Variants in GLRA2 observed in about 807,000 individuals in gnomAD.
The protein encoded by GLRA2 is glycine receptor alpha 2.
A neutral mutation model predicts 31.6 loss-of-function variants in GLRA2; 11 were observed. The ratio of observed to expected loss-of-function variants is 0.35; its 90% confidence interval spans 0.22 to 0.58. GLRA2 has a LOEUF of 0.58. GLRA2 is among the 20% of genes least tolerant of loss of function. GLRA2 has a pLI of 0.84. For synonymous variants in GLRA2, 132 were observed against 134.0 expected, an observed-to-expected ratio of 0.99 and a Z score of 0.10; for missense variants, 212 against 351.8, an observed-to-expected ratio of 0.60 and a Z score of 3.18.
the GLRA2 span, among the ~76,000 whole-genome samples, chrX:14,455,854 T>C: frequency 8.9e-6 from 1 of 112,085 alleles, no homozygotes; most frequent in Non-Finnish European, 1.9e-5. Flanking sequence ...GTGTACCATG[T>C]ATATTCCTTT....
chrX:14,704,119 A>T (rs1480731315), intron 8 of GLRA2, among the ~76,000 whole-genome samples: 1 of 112,192 alleles, frequency 8.9e-6, no homozygotes, highest in Non-Finnish European at 1.9e-5. Context: ...GTGTGGAAAC[A>T]GAGGGAATCT....
chrX:14,600,673 T>C (rs1345981379), intron 4 of GLRA2, among the ~76,000 whole-genome samples: 1 of 110,808 alleles, frequency 9.0e-6, no homozygotes, highest in African/African-American at 3.3e-5. Context: ...ATACTTATTA[T>C]TTTTTTATGG....
chrX:14,525,686 T>C (rs987513633), upstream of GLRA2, among the ~76,000 whole-genome samples: 4 of 111,592 alleles, frequency 3.6e-5, no homozygotes, highest in African/African-American at 1.3e-4. Flanking sequence ...GGATATTGAA[T>C]TAATAATCTC....
intron 7 of GLRA2, among the ~76,000 whole-genome samples, chrX:14,690,278 G>A (rs1601837207): frequency 8.9e-6 from 1 of 111,819 alleles, no homozygotes; most frequent in African/African-American, 3.3e-5. Context: ...GTCTAATTAA[G>A]AGAATAATTA....
chrX:14,522,608 A>G, the GLRA2 span, among the ~76,000 whole-genome samples: 1 of 112,480 alleles, frequency 8.9e-6, no homozygotes, highest in African/African-American at 3.2e-5. Flanking sequence ...TATTTCTTAA[A>G]TAATAAGACT....
At chrX:14,587,567 G>A (rs1233484809) in intron 4 of GLRA2, among the ~76,000 whole-genome samples, 3 of 111,898 alleles carry the variant, frequency 2.7e-5, no homozygotes, top group Non-Finnish European at 5.6e-5. Context: ...TCCTATGTTT[G>A]TTGACCATGT....
the GLRA2 span, among the ~76,000 whole-genome samples, chrX:14,503,066 G>T: frequency 2.7e-5 from 3 of 111,038 alleles, no homozygotes; most frequent in Non-Finnish European, 1.9e-5. Flanking sequence ...CCATGAAACT[G>T]CTGCTACTAT....
At chrX:14,644,145 C>T (rs1474299628) in intron 7 of GLRA2, among the ~76,000 whole-genome samples, 1 of 111,722 alleles carries the variant, frequency 9.0e-6, no homozygotes, top group African/African-American at 3.3e-5. Flanking sequence ...GCTGGATTTT[C>T]TCTACACTCC....
the GLRA2 span, among the ~76,000 whole-genome samples, chrX:14,481,579 G>A: frequency 9.0e-6 from 1 of 111,680 alleles, no homozygotes; most frequent in African/African-American, 3.3e-5. Context: ...CAGAAAGAAT[G>A]AATGGAAGAT....
intron 5 of GLRA2, 94 bp downstream of exon 5, chrX:14,604,491 C>T: frequency 1.9e-6 from 1 of 537,700 alleles, no homozygotes; most frequent in Admixed American, 2.6e-5. Flanking sequence ...CCTTACAACT[C>T]ATTCCCTATA....
intron 4 of GLRA2, among the ~76,000 whole-genome samples, chrX:14,596,654 AAAT>A (rs201178872): frequency 0.24 from 25,840 of 109,912 alleles, 2,442 homozygotes; most frequent in Non-Finnish European, 0.29. Flanking sequence ...CTCAAAAAGA[AAAT>A]AATAATAATA....
At chrX:14,485,480 A>G in the GLRA2 span, among the ~76,000 whole-genome samples, 1 of 111,261 alleles carries the variant, frequency 9.0e-6, no homozygotes, top group Non-Finnish European at 1.9e-5. Flanking sequence ...TTTTCACTGT[A>G]TATATTTATG....
the GLRA2 span, among the ~76,000 whole-genome samples, chrX:14,473,960 C>T: frequency 1.8e-5 from 2 of 111,639 alleles, no homozygotes; most frequent in African/African-American, 3.3e-5. Context: ...TACATAAGAA[C>T]ACATTTTCAG....
chrX:14,653,826 T>A (rs1400327021), intron 7 of GLRA2, among the ~76,000 whole-genome samples: 1 of 112,360 alleles, frequency 8.9e-6, no homozygotes, highest in Non-Finnish European at 1.9e-5. Flanking sequence ...ATGGTTGTCT[T>A]ATTTAAAGAA....
intron 7 of GLRA2, among the ~76,000 whole-genome samples, chrX:14,619,998 C>T (rs2090497210): frequency 1.0e-5 from 1 of 95,376 alleles, no homozygotes. Flanking sequence ...GCCAGGCGCC[C>T]CCCCGTTTTT....
intron 4 of GLRA2, among the ~76,000 whole-genome samples, chrX:14,603,244 A>G (rs1380574846): frequency 9.0e-6 from 1 of 111,058 alleles, no homozygotes; most frequent in Admixed American, 9.6e-5. Flanking sequence ...TTGTCTATTC[A>G]TGTCCATAGC....
chrX:14,728,177 C>T (rs1219714868), intron 8 of GLRA2, among the ~76,000 whole-genome samples: 1 of 110,561 alleles, frequency 9.0e-6, no homozygotes, highest in Non-Finnish European at 1.9e-5. Context: ...TCACGTGAGC[C>T]CAGGAGTTCA....
chrX:14,593,821 C>G (rs1367242105), intron 4 of GLRA2, among the ~76,000 whole-genome samples: 1 of 113,037 alleles, frequency 8.8e-6, no homozygotes, highest in Non-Finnish European at 1.9e-5. Flanking sequence ...TCAGGCTCCA[C>G]TCACTTTCCA....
At chrX:14,574,092 A>G (rs981900527) in intron 2 of GLRA2, among the ~76,000 whole-genome samples, 1 of 112,242 alleles carries the variant, frequency 8.9e-6, no homozygotes, top group Non-Finnish European at 1.9e-5. Flanking sequence ...ATCCAGTTCA[A>G]TAGTTTTCAG....
Sources: gnomAD v4.1 joint callset for allele counts (sites outside exome capture counted in the v4.1 genomes callset) on GRCh38, gnomAD v4.1.1 for gene constraint, MANE v1.5 for transcripts, NCBI Gene and HGNC (gene_info 2026-07-23, HGNC 2026-07-21) for gene names.